TASP1: variants seen among roughly 807,000 people sequenced by gnomAD.
TASP1 encodes taspase 1.
A neutral mutation model predicts 56.6 loss-of-function variants in TASP1; 16 were observed. That is an observed-to-expected ratio of 0.28 (90% confidence interval 0.19 to 0.43). TASP1 has a LOEUF of 0.43. Among genes scored for constraint, TASP1 ranks in the 20% least tolerant of loss-of-function variants. The pLI, the probability that TASP1 is intolerant of heterozygous loss-of-function variation, is 1.00. For synonymous variants in TASP1, 179 were observed against 184.2 expected (o/e 0.97, Z 0.23); for missense variants, 393 against 511.6 (o/e 0.77, Z 2.24).
chr20:13,320,996 C>T, the TASP1 span, among the ~76,000 whole-genome samples: 3 of 151,834 alleles, frequency 2.0e-5, no homozygotes, highest in South Asian at 6.2e-4. Flanking sequence ...GTCAGGATTT[C>T]GAGACCAGCC....
At chr20:13,301,116 C>A in the TASP1 span, among the ~76,000 whole-genome samples, 1 of 152,162 alleles carries the variant, frequency 6.6e-6, no homozygotes, top group African/African-American at 2.4e-5. Flanking sequence ...ATTCCCGGTA[C>A]CTTTGGCATT....
At chr20:13,437,587 C>T (rs1449570403) in intron 11 of TASP1, among the ~76,000 whole-genome samples, 1 of 152,208 alleles carries the variant, frequency 6.6e-6, no homozygotes, top group Non-Finnish European at 1.5e-5. Context: ...TTGCAGATGA[C>T]ATGATTGTAC....
At chr20:13,403,649 T>C (rs568750251) in intron 13 of TASP1, among the ~76,000 whole-genome samples, 1 of 152,302 alleles carries the variant, frequency 6.6e-6, no homozygotes, top group African/African-American at 2.4e-5. Flanking sequence ...CTAAAGCCCA[T>C]GCTGTCAATC....
intron 11 of TASP1, among the ~76,000 whole-genome samples, chr20:13,477,530 C>T (rs2042988106): frequency 1.3e-5 from 2 of 151,986 alleles, no homozygotes; most frequent in African/African-American, 4.8e-5. Context: ...AATGCTGCCC[C>T]ACAGTTCACA....
At chr20:13,442,271 C>A (rs2043240867) in intron 11 of TASP1, among the ~76,000 whole-genome samples, 1 of 151,200 alleles carries the variant, frequency 6.6e-6, no homozygotes, top group South Asian at 2.1e-4. Context: ...CACACATACA[C>A]AGACACACAG....
At chr20:13,310,461 C>T in the TASP1 span, among the ~76,000 whole-genome samples, 13 of 151,276 alleles carry the variant, frequency 8.6e-5, no homozygotes, top group African/African-American at 2.9e-4. Context: ...AGACCTAAAA[C>T]TGTAAAACAA....
chr20:13,264,298 C>G, the TASP1 span, among the ~76,000 whole-genome samples: 1 of 152,196 alleles, frequency 6.6e-6, no homozygotes, highest in Non-Finnish European at 1.5e-5. Flanking sequence ...CTTTCCTAGA[C>G]AGCCACAATT....
At position 13,390,306 on chromosome 20, in the gene TASP1, C is replaced by A; in HGVS notation, c.*54G>T. The A allele has an allele frequency of 6.5e-7, 1 of 1,535,072 alleles. No homozygotes were observed. Among genetic ancestry groups the A allele is most frequent in the Non-Finnish European group, 9.0e-7 (1 of 1,116,704 alleles). ...ACAACCAACTTCAGTTAAAAACCCC[C>A]AAAAGCTCAGGTTCTGAAATGCCTC... is the stretch of plus-strand genomic sequence containing the variant. On this transcript the variant is annotated 3_prime_UTR_variant, in exon 14 of 14. Transcript: ENST00000337743.
intron 10 of TASP1, among the ~76,000 whole-genome samples, chr20:13,500,565 A>ATTT (rs2043909264): frequency 6.6e-6 from 1 of 151,922 alleles, no homozygotes; most frequent in South Asian, 2.1e-4. Context: ...GGGAAACTCC[A>ATTT]ACATAGAAAA....
At chr20:13,104,897 G>A in the TASP1 span, among the ~76,000 whole-genome samples, 1 of 151,414 alleles carries the variant, frequency 6.6e-6, no homozygotes, top group Admixed American at 6.6e-5. Context: ...TTCTGGCATT[G>A]TTTTTTTCAT....
the TASP1 span, chr20:13,166,884 C>G: frequency 6.6e-6 from 1 of 152,144 alleles, no homozygotes; most frequent in Non-Finnish European, 1.5e-5. Flanking sequence ...GATATTGGGT[C>G]TAATTCATTG....
chr20:13,457,852 T>TATAACTATAACTATA (rs2043904202), intron 11 of TASP1, among the ~76,000 whole-genome samples: 1 of 152,196 alleles, frequency 6.6e-6, no homozygotes, highest in Admixed American at 6.5e-5. Flanking sequence ...AAGCAGGGTC[T>TATAACTATAACTATA]GTTATGGAAC....
At chr20:13,554,741 T>C (rs2046098494) in intron 8 of TASP1, among the ~76,000 whole-genome samples, 1 of 150,184 alleles carries the variant, frequency 6.7e-6, no homozygotes, top group Admixed American at 6.8e-5. Context: ...TAGCATTATG[T>C]TTAAAAAAAT....
At chr20:13,139,407 C>T in the TASP1 span, among the ~76,000 whole-genome samples, 1 of 152,262 alleles carries the variant, frequency 6.6e-6, no homozygotes, top group Admixed American at 6.5e-5. Context: ...TTTTTCCTAA[C>T]ATAAAGTCCA....
At chr20:13,213,724 T>C in the TASP1 span, among the ~76,000 whole-genome samples, 1 of 152,166 alleles carries the variant, frequency 6.6e-6, no homozygotes, top group Non-Finnish European at 1.5e-5. Flanking sequence ...ACTTAGCATC[T>C]CCGTATCTTG....
the TASP1 span, among the ~76,000 whole-genome samples, chr20:13,173,120 T>A: frequency 6.6e-6 from 1 of 152,186 alleles, no homozygotes; most frequent in African/African-American, 2.4e-5. Flanking sequence ...TTACCCTGTA[T>A]GATGATTGAC....
chr20:13,197,816 C>T, the TASP1 span, among the ~76,000 whole-genome samples: 1 of 152,160 alleles, frequency 6.6e-6, no homozygotes, highest in African/African-American at 2.4e-5. Flanking sequence ...AGTTCAAATT[C>T]TACCCTGGCT....
the TASP1 span, among the ~76,000 whole-genome samples, chr20:13,221,382 C>G: frequency 6.8e-6 from 1 of 147,952 alleles, no homozygotes; most frequent in Non-Finnish European, 1.5e-5. Flanking sequence ...GCGCCCGCCC[C>G]GCCGCCGACC....
At chr20:13,154,060 A>G in the TASP1 span, 1 of 1,614,178 alleles carries the variant, frequency 6.2e-7, no homozygotes, top group Non-Finnish European at 8.5e-7. Flanking sequence ...CAAAGACTGC[A>G]GGAAATGGGA....
Sources: allele counts gnomAD v4.1 joint callset (sites outside exome capture counted in the v4.1 genomes callset), GRCh38; gene constraint gnomAD v4.1.1; transcripts MANE v1.5; gene names NCBI Gene and HGNC (gene_info 2026-07-23, HGNC 2026-07-21).